Variants in PDE1C observed in about 807,000 individuals in gnomAD.
PDE1C encodes the protein dual specificity calcium/calmodulin-dependent 3',5'-cyclic nucleotide phosphodiesterase 1C.
Under a neutral mutation model 93.1 loss-of-function variants are expected in PDE1C, and 62 were observed. The ratio of observed to expected loss-of-function variants is 0.67; its 90% CI spans 0.54 to 0.82. The LOEUF is 0.82. PDE1C is among the 40% of genes least tolerant of loss of function. PDE1C has a pLI of 0.00. For missense variants in PDE1C, 742 were observed against 884.6 expected (o/e 0.84, Z 2.04); for synonymous variants, 325 against 310.1 (o/e 1.05, Z -0.50).
intron 3 of PDE1C, among the ~76,000 whole-genome samples, chr7:32,131,649 A>G (rs1049408759): frequency 6.6e-6 from 1 of 152,096 alleles, no homozygotes; most frequent in Admixed American, 6.6e-5. Flanking sequence ...GATTCATGAT[A>G]AGATAACCCA....
intron 1 of PDE1C, among the ~76,000 whole-genome samples, chr7:32,329,374 C>T (rs1783467063): frequency 6.6e-6 from 1 of 152,070 alleles, no homozygotes; most frequent in Non-Finnish European, 1.5e-5. Flanking sequence ...TTACTGGGCA[C>T]CTATTATGGA....
rs28536525 is a variant in PDE1C, at chr7:32,199,810, A to T, written c.136+9679T>A. ...AAATTGAAACCTAAAATGCTCCAAA[A>T]TTCAAGGCTTTTTGAGCACCAGCAT... On this transcript the variant is annotated intron_variant, in intron 2 of 18. Transcript: ENST00000396193. Among the ~76,000 whole-genome samples, 654 of 152,256 alleles carry T rather than the reference A, an allele frequency of 4.3e-3. 6 individuals carry two copies. Among genetic ancestry groups the T allele is most frequent in the African/African-American group, 0.015 (623 of 41,538 alleles).
chr7:31,690,923 G>A, the PDE1C span, among the ~76,000 whole-genome samples: 1 of 151,980 alleles, frequency 6.6e-6, no homozygotes. Flanking sequence ...TGTATGACTG[G>A]GCCCATGACT....
chr7:31,654,229 A>G, the PDE1C span, among the ~76,000 whole-genome samples: 1 of 152,184 alleles, frequency 6.6e-6, no homozygotes, highest in Admixed American at 6.5e-5. Context: ...TTGAAAGGTG[A>G]GGAAGTGGAA....
intron 2 of PDE1C, among the ~76,000 whole-genome samples, chr7:31,925,606 A>G (rs995070965): frequency 3.3e-5 from 5 of 152,238 alleles, no homozygotes; most frequent in African/African-American, 4.8e-5. Context: ...AACCACTGAC[A>G]AACTCTGAAG....
chr7:32,157,139 T>G (rs1309803026), intron 3 of PDE1C, among the ~76,000 whole-genome samples: 1 of 152,178 alleles, frequency 6.6e-6, no homozygotes, highest in East Asian at 1.9e-4. Flanking sequence ...GTCAGTGTCA[T>G]GAAAGGCAAG....
In PDE1C at chr7:31,775,626, G is replaced by T. The variant is rs778897429; in HGVS notation, c.1960+38C>A. 6 of 1,554,634 alleles carry T rather than the reference G, an allele frequency of 3.9e-6. No individual in the cohort carries two copies. The South Asian group carries it at 5.6e-5, about 14-fold the overall frequency. On this transcript the variant is annotated intron_variant, in intron 17 of 17. Transcript: ENST00000396191. ...GAGAAACCAGGCCTTTCCATTGTCT[G>T]TGGTCACTAAGATAATGGTGCAATG...
At chr7:32,367,588 G>A (rs1458113191) in intron 1 of PDE1C, among the ~76,000 whole-genome samples, 1 of 152,130 alleles carries the variant, frequency 6.6e-6, no homozygotes, top group African/African-American at 2.4e-5. Context: ...TGGGTGTGGT[G>A]GCTTATGCCT....
rs1795066955 is a variant in PDE1C at position 32,063,721 on chromosome 7, T to C, written c.101+6572A>G. On this transcript the variant is annotated intron_variant, in intron 1 of 17. Coordinates refer to ENST00000396191, the MANE Select transcript of PDE1C (RefSeq NM_001191057.4). ...TGTATTTCAGAGAGATTTAACTTGA[T>C]CTTTATTAAGAAAAGAAAGACTCGA... Among the ~76,000 whole-genome samples the C allele has an allele frequency of 2.0e-5, 3 of 152,358 alleles. No homozygotes were observed. The South Asian group carries it at 6.2e-4, about 32-fold the overall frequency.
intron 2 of PDE1C, among the ~76,000 whole-genome samples, chr7:31,939,612 A>G (rs1354954939): frequency 6.6e-6 from 1 of 152,198 alleles, no homozygotes; most frequent in East Asian, 1.9e-4. Context: ...AGGAATATAA[A>G]TAAATATTTT....
At chr7:32,219,715 C>A (rs1806698577) in intron 1 of PDE1C, among the ~76,000 whole-genome samples, 1 of 152,220 alleles carries the variant, frequency 6.6e-6, no homozygotes, top group Non-Finnish European at 1.5e-5. Flanking sequence ...CCCCTGCAAT[C>A]CTGGCCTCAC....
chr7:31,856,105 G>A (rs921252270), intron 7 of PDE1C, among the ~76,000 whole-genome samples: 1 of 152,196 alleles, frequency 6.6e-6, no homozygotes, highest in Non-Finnish European at 1.5e-5. Flanking sequence ...TATCACTGTT[G>A]ATGTTGAAGC....
chr7:31,733,841 AC>A, the PDE1C span, among the ~76,000 whole-genome samples: 6 of 151,992 alleles, frequency 3.9e-5, no homozygotes, highest in Admixed American at 6.6e-5. Context: ...ACTAAAAAAA[AC>A]AATACAAAAA....
At chr7:31,662,705 C>T in the PDE1C span, among the ~76,000 whole-genome samples, 2 of 152,148 alleles carry the variant, frequency 1.3e-5, no homozygotes, top group Admixed American at 6.5e-5. Flanking sequence ...TCCAGAATTC[C>T]AAGAATTATC....
At chr7:31,648,777 G>A in the PDE1C span, among the ~76,000 whole-genome samples, 1 of 152,184 alleles carries the variant, frequency 6.6e-6, no homozygotes, top group African/African-American at 2.4e-5. Flanking sequence ...CAAACAGCTC[G>A]CTGCTAAGGG....
At chr7:32,310,611 C>T (rs143534772) in intron 1 of PDE1C, among the ~76,000 whole-genome samples, 2,609 of 152,220 alleles carry the variant, frequency 0.017, 82 homozygotes, top group African/African-American at 0.06. Context: ...CTCAAAACTG[C>T]TCAACTACAT....
At chr7:32,341,986 TAGC>T (rs1426311270) in intron 1 of PDE1C, among the ~76,000 whole-genome samples, 1 of 152,206 alleles carries the variant, frequency 6.6e-6, no homozygotes, top group African/African-American at 2.4e-5. Context: ...TTAGTACATT[TAGC>T]ATAGTTAGTA....
intron 1 of PDE1C, among the ~76,000 whole-genome samples, chr7:32,296,247 A>G (rs1185311761): frequency 6.6e-6 from 1 of 152,230 alleles, no homozygotes; most frequent in African/African-American, 2.4e-5. Flanking sequence ...CTAGCAACTT[A>G]CTAATTTCTG....
chr7:32,057,645 T>C (rs1011694164), intron 1 of PDE1C, among the ~76,000 whole-genome samples: 13 of 152,166 alleles, frequency 8.5e-5, no homozygotes, highest in Non-Finnish European at 1.6e-4. Context: ...GTCAGGGAGA[T>C]AAAGAATGAA....
Sources: allele counts gnomAD v4.1 joint callset (sites outside exome capture counted in the v4.1 genomes callset), GRCh38; gene constraint gnomAD v4.1.1; transcripts MANE v1.5; gene names NCBI Gene and HGNC (gene_info 2026-07-23, HGNC 2026-07-21).